The following AFG2B variants were observed in gnomAD, a reference collection of about 807,000 sequenced individuals.
AFG2B encodes AAA ATPase AFG2B.
At chr15:45,410,337 G>T in the AFG2B span, 2 of 1,592,806 alleles carry the variant, frequency 1.3e-6, no homozygotes, top group Admixed American at 1.8e-5. Flanking sequence ...CCTAATTTTT[G>T]GTTTGATTTT....
the AFG2B span, chr15:45,403,006 G>T: frequency 2.5e-6 from 4 of 1,588,418 alleles, no homozygotes; most frequent in Non-Finnish European, 2.6e-6. Context: ...GCCTCCGTCG[G>T]AAGCCCAGCC....
At chr15:45,403,269 G>A in the AFG2B span, 1 of 1,590,550 alleles carries the variant, frequency 6.3e-7, no homozygotes. Flanking sequence ...AGACCGAGGA[G>A]AACGTGCGGC....
chr15:45,415,637 A>C, the AFG2B span: 1 of 1,614,154 alleles, frequency 6.2e-7, no homozygotes. Context: ...TTTTGGATGA[A>C]ATTGATTCAA....
chr15:45,402,488 A>T, the AFG2B span: 1 of 1,609,930 alleles, frequency 6.2e-7, no homozygotes, highest in Admixed American at 1.7e-5. Context: ...CTACCCTTAG[A>T]CGCTAGAGAC....
At chr15:45,408,782 G>A in the AFG2B span, among the ~76,000 whole-genome samples, 147 of 152,306 alleles carry the variant, frequency 9.7e-4, 1 homozygote, top group Non-Finnish European at 1.6e-3. Context: ...CTGCTCAGGA[G>A]GCTGAGATAG....
chr15:45,421,295 T>A, the AFG2B span: 1 of 948,604 alleles, frequency 1.1e-6, no homozygotes, highest in Non-Finnish European at 1.5e-6. Context: ...TTAGAATTTG[T>A]GTTTATATTT....
chr15:45,404,384 A>ATC, the AFG2B span, among the ~76,000 whole-genome samples: 2 of 152,212 alleles, frequency 1.3e-5, no homozygotes, highest in African/African-American at 4.8e-5. Flanking sequence ...GCAACTTTCT[A>ATC]GCCAGTGTTA....
At chr15:45,407,746 G>A in the AFG2B span, among the ~76,000 whole-genome samples, 1 of 152,128 alleles carries the variant, frequency 6.6e-6, no homozygotes, top group African/African-American at 2.4e-5. Flanking sequence ...TTTGAAAACG[G>A]GAATTTGTGG....
the AFG2B span, chr15:45,402,503 G>A: frequency 1.2e-6 from 2 of 1,608,268 alleles, no homozygotes; most frequent in South Asian, 2.2e-5. Flanking sequence ...AGAGACCGGG[G>A]CACCCAGCGC....
the AFG2B span, chr15:45,403,153 C>T: frequency 6.9e-5 from 101 of 1,454,134 alleles, no homozygotes; most frequent in Non-Finnish European, 5.7e-5. Context: ...CCTGGCGGGG[C>T]CCCCCGGAGT....
chr15:45,402,525 C>G, the AFG2B span: 1 of 1,601,422 alleles, frequency 6.2e-7, no homozygotes, highest in Non-Finnish European at 8.5e-7. Context: ...GCCGCCTGGG[C>G]CCGGCCGCCC....
chr15:45,405,432 T>C, the AFG2B span: 5 of 1,614,178 alleles, frequency 3.1e-6, no homozygotes, highest in South Asian at 3.3e-5. Context: ...GAAATGACAG[T>C]TGGCTATGTT....
chr15:45,407,702 A>T, the AFG2B span, among the ~76,000 whole-genome samples: 1 of 152,218 alleles, frequency 6.6e-6, no homozygotes, highest in African/African-American at 2.4e-5. Context: ...GATTCACTTA[A>T]CATCTGTTTA....
the AFG2B span, among the ~76,000 whole-genome samples, chr15:45,411,076 C>T: frequency 2.6e-5 from 4 of 151,978 alleles, no homozygotes; most frequent in African/African-American, 9.7e-5. Context: ...CTGGCAGGTG[C>T]CCATAATCCC....
At chr15:45,412,520 T>G in the AFG2B span, among the ~76,000 whole-genome samples, 1 of 152,352 alleles carries the variant, frequency 6.6e-6, no homozygotes, top group African/African-American at 2.4e-5. Flanking sequence ...CCTCTGCCGT[T>G]GTAGCACCAA....
the AFG2B span, chr15:45,417,189 A>G: frequency 1.2e-5 from 19 of 1,534,614 alleles, no homozygotes; most frequent in Non-Finnish European, 1.7e-5. Flanking sequence ...TTGAATTTAA[A>G]TAGACCTTCT....
chr15:45,408,797 A>G, the AFG2B span, among the ~76,000 whole-genome samples: 2 of 152,162 alleles, frequency 1.3e-5, no homozygotes, highest in Non-Finnish European at 2.9e-5. Flanking sequence ...AGATAGAATG[A>G]TCACTTGAGC....
the AFG2B span, among the ~76,000 whole-genome samples, chr15:45,409,858 C>A: frequency 1.3e-5 from 2 of 152,078 alleles, no homozygotes; most frequent in African/African-American, 4.8e-5. Flanking sequence ...CAGAGTGAGA[C>A]CCTGTCTCAA....
the AFG2B span, among the ~76,000 whole-genome samples, chr15:45,411,203 G>C: frequency 6.6e-6 from 1 of 151,960 alleles, no homozygotes; most frequent in Admixed American, 6.6e-5. Flanking sequence ...GTGTCCGGGG[G>C]GAAAAAAGTG....
Sources: allele counts gnomAD v4.1 joint callset (sites outside exome capture counted in the v4.1 genomes callset), GRCh38; gene constraint gnomAD v4.1.1; transcripts MANE v1.5; gene names NCBI Gene and HGNC (gene_info 2026-07-23, HGNC 2026-07-21).